AGAP1: variants seen among roughly 807,000 people sequenced by gnomAD.
The protein encoded by AGAP1 is arf-GAP with GTPase, ANK repeat and PH domain-containing protein 1.
AGAP1 carries 29 observed loss-of-function variants against 105.3 expected under a neutral mutation model. The observed-to-expected ratio is 0.28, with a 90% CI of 0.21 to 0.38. The LOEUF is 0.38. Ranked by LOEUF, AGAP1 falls within the 10% of genes least tolerant of loss-of-function variation. AGAP1 has a pLI of 1.00. For missense variants in AGAP1, 998 were observed against 1,165.1 expected, an observed-to-expected ratio of 0.86 and a Z score of 2.09; for synonymous variants, 509 against 485.9, an observed-to-expected ratio of 1.05 and a Z score of -0.63.
In AGAP1 at chr2:235,664,953, G is replaced by T. The variant is rs1017983968; in HGVS notation, c.164-44226G>T. On this transcript the variant is annotated intron_variant, in intron 1 of 17. Coordinates refer to ENST00000304032, the MANE Select transcript of AGAP1 (RefSeq NM_001037131.3). The surrounding 1 kb of genome is among the most constrained non-coding windows in gnomAD (Gnocchi z 5.7). ...AAAAAAACGTTAGCCAAGCATGGTG[G>T]CTCACGCCTGTAATCCCAGCACTTT... is the stretch of plus-strand genomic sequence containing the variant. 6.6e-6 allele frequency among the ~76,000 whole-genome samples: 1 copy of T among 152,160 alleles called. No homozygotes were observed. Among genetic ancestry groups the T allele is most frequent in the African/African-American group, 2.4e-5 (1 of 41,436 alleles).
Position 235,999,981 on chromosome 2 carries a change from C to T in AGAP1, c.1645+31358C>T, listed in dbSNP as rs367720513. ...CATGAGTTCCGAATAGTCTCATAGA[C>T]CATTGATCCTGCTTCTAATGACTGT... On this transcript the variant is annotated intron_variant, in intron 13 of 17. Coordinates refer to ENST00000304032, the MANE Select transcript of AGAP1 (RefSeq NM_001037131.3). Among the ~76,000 whole-genome samples the T allele has an allele frequency of 2.8e-4, 42 of 152,198 alleles. 2 individuals carry two copies. In the East Asian group the frequency reaches 4.3e-3, roughly 15 times the overall value.
In AGAP1 at chr2:235,649,572, A is replaced by G. The variant is rs972781989; in HGVS notation, c.164-59607A>G. Among the ~76,000 whole-genome samples the G allele has an allele frequency of 4.0e-4, 61 of 152,040 alleles. 1 individual carries two copies. The highest frequency in any genetic ancestry group is 2.1e-4 in the South Asian group (1 of 4,816). On this transcript the variant is annotated intron_variant, in intron 1 of 17. Transcript: ENST00000304032. ...TATTTTGTAGAGATGGGGTCTTGCT[A>G]TGTTGCCCAGGCTGGCCTCAGACTC...
chr2:236,041,222 G>A (rs557251508), intron 15 of AGAP1, among the ~76,000 whole-genome samples: 5 of 151,548 alleles, frequency 3.3e-5, no homozygotes, highest in Non-Finnish European at 5.9e-5. Context: ...TTAACTAGGC[G>A]TGGCAGCTGG....
At position 235,586,350 on chromosome 2, in the gene AGAP1, A is replaced by C. The variant is rs890974843; in HGVS notation, c.163+91501A>C. 4.0e-5 allele frequency among the ~76,000 whole-genome samples: 6 copies of C among 151,864 alleles called. No homozygotes were observed. Among genetic ancestry groups the C allele is most frequent in the African/African-American group, 1.2e-4 (5 of 41,328 alleles). ...GGATGCAGGTGGGCACACTGCTACA[A>C]CCCCCTGGGTGTGTGTGGAGTTGGG... On this transcript the variant is annotated intron_variant, in intron 1 of 17. Transcript: ENST00000304032. This position sits in a 1 kb window ranked among gnomAD's most constrained non-coding sequence, Gnocchi z 4.2.
At chr2:235,782,741 A>G (rs936843594) in intron 6 of AGAP1, among the ~76,000 whole-genome samples, 1 of 152,226 alleles carries the variant, frequency 6.6e-6, no homozygotes, top group Non-Finnish European at 1.5e-5. Context: ...GAATAACTGA[A>G]TAGGAGTCCC....
chr2:235,959,460 G>A lies in AGAP1; in HGVS notation c.1484-9002G>A, dbSNP rs565497632. Among the ~76,000 whole-genome samples, 45 of 152,194 alleles carry A rather than the reference G, an allele frequency of 3.0e-4. No individual in the cohort carries two copies. The highest frequency in any genetic ancestry group is 1.1e-3 in the African/African-American group (44 of 41,528). ...GAGCTCTCGACACCTAGAAGCCAGG[G>A]GCATTCATATTCCCGTGGCCGAGCT... On this transcript the variant is annotated intron_variant, in intron 12 of 17. Coordinates refer to ENST00000304032, the MANE Select transcript of AGAP1 (RefSeq NM_001037131.3). This position sits in a 1 kb window ranked among gnomAD's most constrained non-coding sequence, Gnocchi z 7.3.
intron 16 of AGAP1, among the ~76,000 whole-genome samples, chr2:236,118,581 G>A (rs1344925140): frequency 1.3e-5 from 2 of 151,688 alleles, no homozygotes; most frequent in African/African-American, 2.4e-5. Flanking sequence ...TAGAGACAGG[G>A]TTTCACCATG....
chr2:235,725,446 C>T lies in AGAP1; in HGVS notation c.310+7802C>T, dbSNP rs1434762163. Among the ~76,000 whole-genome samples, 1 of 151,776 alleles carries T rather than the reference C, an allele frequency of 6.6e-6. No individual in the cohort carries two copies. Among genetic ancestry groups the T allele is most frequent in the Non-Finnish European group, 1.5e-5 (1 of 67,994 alleles). On this transcript the variant is annotated intron_variant, in intron 3 of 17. Transcript: ENST00000304032. This position sits in a 1 kb window ranked among gnomAD's most constrained non-coding sequence, Gnocchi z 5.7. ...AAAAAAAGGTTGTCAGCTACCACTG[C>T]ATCCCAGATGTTAGAGTTTATTTCT...
At chr2:235,890,162 CTTTT>C (rs3059035) in intron 10 of AGAP1, among the ~76,000 whole-genome samples, 2 of 132,468 alleles carry the variant, frequency 1.5e-5, no homozygotes, top group Non-Finnish European at 1.6e-5. Context: ...TAGTTATTCC[CTTTT>C]TTTTTTTTTT....
Position 235,981,450 on chromosome 2 carries a change from TAC to T in AGAP1, c.1645+12850_1645+12851del, listed in dbSNP as rs10639320. 0.04 allele frequency among the ~76,000 whole-genome samples: 5,976 copies of T among 148,924 alleles called. 179 individuals are homozygous for T. Among genetic ancestry groups the T allele is most frequent in the African/African-American group, 0.087 (3,559 of 40,772 alleles). On this transcript the variant is annotated intron_variant, in intron 13 of 17. Transcript: ENST00000304032. The surrounding 1 kb of genome is among the most constrained non-coding windows in gnomAD (Gnocchi z 5.5). Reference sequence around the variant, plus strand: ...AATTTCTAAGTTCATGTTCCATGCGTACACACACACACACACACACACACGGT... The same window carrying T: ...AATTTCTAAGTTCATGTTCCATGCGTACACACACACACACACACACACGGT...
chr2:235,682,797 CGTGTGTGTGT>C (rs71064869), intron 1 of AGAP1, among the ~76,000 whole-genome samples: 1 of 149,462 alleles, frequency 6.7e-6, no homozygotes, highest in Non-Finnish European at 1.5e-5. Flanking sequence ...TGTGTGCACA[CGTGTGTGTGT>C]GTGTGTGTGT....
In AGAP1 at chr2:235,719,203, C is replaced by T. The variant is rs1295594287; in HGVS notation, c.310+1559C>T. On this transcript the variant is annotated intron_variant, in intron 3 of 17. Transcript: ENST00000304032. This position sits in a 1 kb window ranked among gnomAD's most constrained non-coding sequence, Gnocchi z 4.9. Reference sequence around the variant, plus strand: ...CCTGGTTTTGTTGCTGTTGCTCTGGCAGTCTCTGGCCCTGGGGTTCAGGTG... The same window carrying T: ...CCTGGTTTTGTTGCTGTTGCTCTGGTAGTCTCTGGCCCTGGGGTTCAGGTG... Among the ~76,000 whole-genome samples the T allele has an allele frequency of 6.6e-6, 1 of 152,194 alleles. No homozygotes were observed. The highest frequency in any genetic ancestry group is 1.5e-5 in the Non-Finnish European group (1 of 68,038).
chr2:235,974,335 G>A (rs985230331), intron 13 of AGAP1, among the ~76,000 whole-genome samples: 12 of 152,190 alleles, frequency 7.9e-5, no homozygotes, highest in Non-Finnish European at 1.8e-4. Flanking sequence ...CAGATTCCAT[G>A]TAAAGACACT....
rs570190503 is a variant in AGAP1, at chr2:235,976,637, TG to T, written c.1645+8015del. Among the ~76,000 whole-genome samples the T allele has an allele frequency of 1.3e-5, 2 of 152,178 alleles. No homozygotes were observed. Among genetic ancestry groups the T allele is most frequent in the Non-Finnish European group, 2.9e-5 (2 of 68,020 alleles). ...ACCTACTGCACGCAAGAGTTTTGTC[TG>T]ATGCTGGATGGGACATCAACTGAAG... On this transcript the variant is annotated intron_variant, in intron 13 of 17. Coordinates refer to ENST00000304032, the MANE Select transcript of AGAP1 (RefSeq NM_001037131.3). This position sits in a 1 kb window ranked among gnomAD's most constrained non-coding sequence, Gnocchi z 4.5.
intron 11 of AGAP1, among the ~76,000 whole-genome samples, chr2:235,924,983 T>C (rs2052374391): frequency 6.6e-6 from 1 of 152,094 alleles, no homozygotes; most frequent in Non-Finnish European, 1.5e-5. Flanking sequence ...GAGAGCTGGC[T>C]GCCAGCAACA....
intron 1 of AGAP1, among the ~76,000 whole-genome samples, chr2:235,673,348 G>T (rs1251696030): frequency 6.6e-6 from 1 of 152,204 alleles, no homozygotes; most frequent in Non-Finnish European, 1.5e-5. Context: ...ATACAGTAGA[G>T]CCCAAGCTCA....
At chr2:235,603,363 G>T (rs563850654) in intron 1 of AGAP1, among the ~76,000 whole-genome samples, 17 of 152,326 alleles carry the variant, frequency 1.1e-4, no homozygotes, top group Non-Finnish European at 2.1e-4. Context: ...TTTATCAGCA[G>T]CATGAAAAAC....
In AGAP1 at chr2:235,494,662, CGGCTCCG is replaced by C; in HGVS notation, c.-21_-15del. On this transcript the variant is annotated 5_prime_UTR_variant, in exon 1 of 18. Coordinates refer to ENST00000304032, the MANE Select transcript of AGAP1 (RefSeq NM_001037131.3). The stretch of plus-strand genomic sequence containing the variant: ...CGGGGCGGCGGCGGCGGGGGGCGCG[CGGCTCCG>C]GGCGCGGCGCCTGCACCATGAACTA... 1 of 999,048 alleles carries C rather than the reference CGGCTCCG, an allele frequency of 1.0e-6. No individual in the cohort carries two copies. Among genetic ancestry groups the C allele is most frequent in the Non-Finnish European group, 1.3e-6 (1 of 792,004 alleles). 61.9% of individuals were successfully genotyped at this position (999,048 alleles called of 1,614,324 possible). A position where few individuals can be genotyped will look rare whatever the true frequency, so the allele number is the denominator to read the frequency against.
intron 16 of AGAP1, among the ~76,000 whole-genome samples, chr2:236,063,085 G>T (rs181755723): frequency 6.6e-6 from 1 of 151,968 alleles, no homozygotes; most frequent in Non-Finnish European, 1.5e-5. Context: ...ACTGCGCCCC[G>T]CTGTACTCAG....
Sources: allele counts gnomAD v4.1 joint callset (sites outside exome capture counted in the v4.1 genomes callset), GRCh38; gene constraint gnomAD v4.1.1; non-coding constraint Gnocchi (gnomAD v3.1); transcripts MANE v1.5; gene names NCBI Gene and HGNC (gene_info 2026-07-23, HGNC 2026-07-21).